The following C2CD3 variants were observed in gnomAD, a reference collection of about 807,000 sequenced individuals.
The protein encoded by C2CD3 is C2 domain-containing protein 3.
In C2CD3, 148 loss-of-function variants were observed where a neutral mutation model predicts 234.0. That is an observed-to-expected ratio of 0.63 (90% CI 0.55 to 0.72). The LOEUF (loss-of-function observed/expected upper bound fraction) is 0.72. C2CD3 is among the 30% of genes least tolerant of loss of function. The pLI is 0.00. For synonymous variants in C2CD3, 1,000 were observed against 1,035.4 expected (o/e 0.97, Z 0.66); for missense variants, 2,577 against 2,811.5 (o/e 0.92, Z 1.89).
chr11:74,091,001 A>G (rs1412766517), intron 19 of C2CD3, 65 bp from the exon 20 acceptor site: 1 of 1,575,794 alleles, frequency 6.3e-7, no homozygotes, highest in African/African-American at 1.3e-5. Flanking sequence ...CAAACCACAA[A>G]GTTTTGGTCA....
intron 3 of C2CD3, among the ~76,000 whole-genome samples, chr11:74,143,305 T>A (rs993769345): frequency 2.0e-5 from 3 of 152,124 alleles, no homozygotes; most frequent in Non-Finnish European, 2.9e-5. Context: ...TTCACAATCA[T>A]GTTGGTCAAT....
At chr11:74,168,882 C>G (rs1055954077) in intron 1 of C2CD3, among the ~76,000 whole-genome samples, 1 of 152,218 alleles carries the variant, frequency 6.6e-6, no homozygotes, top group Non-Finnish European at 1.5e-5. Flanking sequence ...AAGTTAAGAA[C>G]ATACCAACAA....
In C2CD3 at chr11:74,098,266, A is replaced by G. The variant is rs1447408143; in HGVS notation, c.2733-11T>C. The G allele has an allele frequency of 6.2e-7, 1 of 1,610,362 alleles. No individual in the cohort carries two copies. The highest frequency in any genetic ancestry group is 8.5e-7 in the Non-Finnish European group (1 of 1,177,488). On this transcript the variant is annotated splice_polypyrimidine_tract_variant and intron_variant, in intron 15 of 32. Transcript: ENST00000334126. ...GAAATCTTAGCATCTCTAGAGGGGG[A>G]GAAATTGTGAATAAGCAAATAACAA... is the stretch of plus-strand genomic sequence containing the variant.
chr11:74,021,799 G>A (rs575370094), intron 32 of C2CD3, among the ~76,000 whole-genome samples: 3 of 152,262 alleles, frequency 2.0e-5, no homozygotes, highest in East Asian at 1.9e-4. Context: ...AAATGGTGGT[G>A]GAAAAGTGCA....
chr11:74,162,761 G>A (rs1488694778), intron 2 of C2CD3, among the ~76,000 whole-genome samples: 1 of 152,150 alleles, frequency 6.6e-6, no homozygotes, highest in South Asian at 2.1e-4. Context: ...AAATGTATTT[G>A]CCAATAACTC....
intron 29 of C2CD3, among the ~76,000 whole-genome samples, chr11:74,040,576 G>A (rs1378512894): frequency 1.3e-5 from 2 of 151,728 alleles, no homozygotes; most frequent in Non-Finnish European, 2.9e-5. Flanking sequence ...CCAACATAGT[G>A]AAACCCTGTC....
intron 3 of C2CD3, among the ~76,000 whole-genome samples, chr11:74,149,133 T>C (rs144408854): frequency 1.5e-4 from 23 of 152,288 alleles, no homozygotes; most frequent in African/African-American, 5.5e-4. Flanking sequence ...GCATAACCTT[T>C]TGACTTCCTA....
At chr11:74,139,574 C>A (rs762864174) in intron 4 of C2CD3, 31 bp downstream of exon 4, 1 of 1,410,080 alleles carries the variant, frequency 7.1e-7, no homozygotes, top group Non-Finnish European at 1.0e-6. Context: ...AGTTAACTGA[C>A]AGATTGACTG....
chr11:74,085,011 A>G (rs1167142262), intron 21 of C2CD3, 41 bp from the exon 22 acceptor site: 9 of 1,143,992 alleles, frequency 7.9e-6, no homozygotes, highest in South Asian at 1.2e-5. Flanking sequence ...TTGATGGTCT[A>G]TTCATCAAGG....
chr11:74,153,913 T>G (rs1855843674), intron 3 of C2CD3, among the ~76,000 whole-genome samples: 1 of 151,870 alleles, frequency 6.6e-6, no homozygotes, highest in Non-Finnish European at 1.5e-5. Context: ...AGAAATAGAC[T>G]CACATATATA....
chr11:74,057,640 C>T (rs946672132), intron 24 of C2CD3, 96 bp from the exon 25 acceptor site: 2 of 1,262,296 alleles, frequency 1.6e-6, no homozygotes, highest in East Asian at 2.3e-5. Flanking sequence ...CCCTCTTCTT[C>T]CTATGGGGTC....
chr11:74,109,881 G>A (rs1956678118), intron 11 of C2CD3, among the ~76,000 whole-genome samples: 1 of 151,916 alleles, frequency 6.6e-6, no homozygotes. Flanking sequence ...GACCATCCTG[G>A]CTAACATGGT....
At chr11:74,065,134 G>A (rs1362197895) in intron 24 of C2CD3, among the ~76,000 whole-genome samples, 2 of 152,136 alleles carry the variant, frequency 1.3e-5, no homozygotes, top group African/African-American at 4.8e-5. Context: ...GCAACCTACA[G>A]AATGGGAGAA....
intron 3 of C2CD3, among the ~76,000 whole-genome samples, chr11:74,155,245 T>C (rs1329217319): frequency 2.0e-5 from 3 of 152,084 alleles, no homozygotes; most frequent in Non-Finnish European, 2.9e-5. Flanking sequence ...CTTCAACAAA[T>C]CCAATGACTG....
intron 29 of C2CD3, among the ~76,000 whole-genome samples, chr11:74,039,471 A>G (rs978507803): frequency 7.2e-5 from 11 of 152,184 alleles, no homozygotes; most frequent in Admixed American, 2.6e-4. Context: ...GCATCACCTG[A>G]GCTTGTTAGA....
chr11:74,017,252 G>C (rs1951913775), intron 32 of C2CD3, among the ~76,000 whole-genome samples: 1 of 152,174 alleles, frequency 6.6e-6, no homozygotes, highest in African/African-American at 2.4e-5. Flanking sequence ...GAACAGGGAT[G>C]GGGTATTTGA....
At position 74,138,819 on chromosome 11, in the gene C2CD3, T is replaced by C. The variant is rs1957952200; in HGVS notation, c.856A>G (p.Ser286Gly). Residue 286 changes from serine (S) to glycine (G), a missense_variant, in exon 5 of 33, where the codon AGT becomes GGT. By Grantham distance (56) the Ser-to-Gly change is moderately conservative. Coordinates refer to ENST00000334126, the MANE Select transcript of C2CD3 (RefSeq NM_001286577.2). The part of the protein sequence containing the change: ...APRKQMSLLN[S>G]SEFQPQIRTV... ...CTAATTTGAGGCTGGAATTCAGAAC[T>C]GTTCAGAAGGGACATCTGCTTCCGT... 6.2e-7 allele frequency: 1 copy of C among 1,613,944 alleles called. No homozygotes were observed. The highest frequency in any genetic ancestry group is 1.3e-5 in the African/African-American group (1 of 75,048).
At chr11:74,070,168 T>C (rs905702429) in intron 24 of C2CD3, among the ~76,000 whole-genome samples, 4 of 152,236 alleles carry the variant, frequency 2.6e-5, no homozygotes, top group African/African-American at 9.7e-5. Context: ...CTAATATAAG[T>C]ATACAAACCT....
chr11:74,034,394 A>C, intron 30 of C2CD3, 116 bp from the exon 31 acceptor site: 1 of 1,492,982 alleles, frequency 6.7e-7, no homozygotes, highest in Non-Finnish European at 8.9e-7. Flanking sequence ...AACAAACCAT[A>C]AAGAAAATTA....
Sources: gnomAD v4.1 joint callset for allele counts (sites outside exome capture counted in the v4.1 genomes callset) on GRCh38, gnomAD v4.1.1 for gene constraint, MANE v1.5 for transcripts, NCBI Gene and HGNC (gene_info 2026-07-23, HGNC 2026-07-21) for gene names.